The following LTBP3 variants were observed in gnomAD, a reference collection of about 807,000 sequenced individuals.
LTBP3 encodes the protein latent-transforming growth factor beta-binding protein 3.
Under a neutral mutation model 159.7 loss-of-function variants are expected in LTBP3, and 97 were observed. That is an observed-to-expected ratio of 0.61 (90% CI 0.52 to 0.72). LTBP3 has a LOEUF of 0.72. LTBP3 is among the 30% of genes least tolerant of loss of function. The pLI, the probability that LTBP3 is intolerant of heterozygous loss-of-function variation, is 0.00. For synonymous variants in LTBP3, 824 were observed against 777.1 expected, an observed-to-expected ratio of 1.06 and a Z score of -1.00; for missense variants, 1,584 against 1,864.3, an observed-to-expected ratio of 0.85 and a Z score of 2.77.
chr11:65,546,424 G>A lies in LTBP3; in HGVS notation c.2353+18C>T. 1.3e-6 allele frequency: 2 copies of A among 1,533,494 alleles called. No homozygotes were observed. Among genetic ancestry groups the A allele is most frequent in the Non-Finnish European group, 1.7e-6 (2 of 1,146,046 alleles). 95.0% of individuals were successfully genotyped at this position (1,533,494 alleles called of 1,614,324 possible). ...GTAGGGGGCGGCGGAGGCCCGGGGC[G>A]GGGGTGCTGGCGCTCACCCAAGCAA... On this transcript the variant is annotated intron_variant, in intron 16 of 27. Transcript: ENST00000301873. The surrounding 1 kb of genome is among the most constrained non-coding windows in gnomAD (Gnocchi z 4.0).
intron 16 of LTBP3, 36 bp from the exon 17 acceptor site, chr11:65,543,585 G>T (rs1856247812): frequency 1.2e-6 from 2 of 1,613,630 alleles, no homozygotes; most frequent in East Asian, 2.2e-5. Flanking sequence ...GACCAGGCTG[G>T]GTGGTCTTGG....
intron 24 of LTBP3, 38 bp from the exon 25 acceptor site, chr11:65,539,919 G>A: frequency 6.7e-7 from 1 of 1,488,202 alleles, no homozygotes; most frequent in Non-Finnish European, 8.9e-7. Flanking sequence ...GGGGCCCAAG[G>A]CAGGAACCGC....
In LTBP3 at chr11:65,539,573, G is replaced by C; in HGVS notation, c.3603C>G (p.Pro1201=). The change falls in exon 26 of 28, where the codon CCC becomes CCG. Residue 1201 remains proline, a synonymous_variant. Coordinates refer to ENST00000301873, the MANE Select transcript of LTBP3 (RefSeq NM_001130144.3). ...CTCTTGGGGGCTTCCCCAACAGCAG[G>C]GGGCTTGTGTCCCAGAAGGAATTGC... ...SESNSFWDTS[P]LLLGKPPRDE... 1 of 1,612,834 alleles carries C rather than the reference G, an allele frequency of 6.2e-7. No homozygotes were observed. Among genetic ancestry groups the C allele is most frequent in the Non-Finnish European group, 8.5e-7 (1 of 1,179,372 alleles).
rs758223377 is a variant in LTBP3, at chr11:65,552,914, G to T, written c.1132C>A (p.Arg378Ser). Residue 378 changes from arginine to serine, a missense_variant, in exon 6 of 28, where the codon CGC (arginine) becomes AGC (serine). Physicochemically the swap from Arg to Ser is moderately radical, Grantham distance 110 (BLOSUM62 -1). This residue lies in a region of LTBP3 where 156 missense variants were observed against 259.7 expected (regional missense o/e 0.60). Transcript: ENST00000301873. This position sits in a 1 kb window ranked among gnomAD's most constrained non-coding sequence, Gnocchi z 6.0. The stretch of plus-strand genomic sequence containing the variant: ...CTATGGCCAGGTGGGCAGACACAGC[G>T]ATAGGAGCCAGGGTTGTTGAGGCAG... ...GDCLNNPGSY[R>S]CVCPPGHSLG... is the part of the protein sequence containing the mutation. 3 of 1,614,232 alleles carry T rather than the reference G, an allele frequency of 1.9e-6. No homozygotes were observed. Among genetic ancestry groups the T allele is most frequent in the East Asian group, 2.2e-5 (1 of 44,884 alleles).
intron 21 of LTBP3, 127 bp from the exon 22 acceptor site, chr11:65,540,741 G>T: frequency 6.7e-7 from 1 of 1,503,196 alleles, no homozygotes; most frequent in South Asian, 1.2e-5. Flanking sequence ...CTACAGGGCG[G>T]GGCCTGCGAG....
At chr11:65,551,895 G>C in intron 8 of LTBP3, 77 bp downstream of exon 8, 1 of 1,495,960 alleles carries the variant, frequency 6.7e-7, no homozygotes, top group Non-Finnish European at 9.3e-7. Flanking sequence ...TGTGAGGTCA[G>C]ATCTGTGGAT....
rs1434313133 is a variant in LTBP3 at position 65,539,613 on chromosome 11, G to A, written c.3563C>T (p.Thr1188Ile). 1 of 1,611,380 alleles carries A rather than the reference G, an allele frequency of 6.2e-7. No homozygotes were observed. The highest frequency in any genetic ancestry group is 1.3e-5 in the African/African-American group (1 of 74,860). Residue 1188 changes from threonine (T) to isoleucine (I), a missense_variant, in exon 26 of 28, where the codon ACA becomes ATA. By Grantham distance (89) the Thr-to-Ile change is moderately conservative (BLOSUM62 -1). Around this residue, in one of 6 missense-constraint regions of LTBP3, gnomAD observed 514 missense variants for 530.3 expected, o/e 0.97. Transcript: ENST00000301873. The part of the protein sequence containing the change: ...PPRGAGSHCP[T>I]SQSESNSFWD... ...GAAGGAATTGCTCTCGCTCTGCGAT[G>A]TCGGGCAATGGGACCCTGGGAGGAG...
rs1298912459 is a variant in LTBP3 at position 65,546,454 on chromosome 11, G to C, written c.2341C>G (p.Arg781Gly). ...TGCTGGCGCTCACCCAAGCAACTGC[G>C]GCCGTCGGGCGCGGGCGCGTAGCCC... is the stretch of plus-strand genomic sequence containing the variant. The part of the protein sequence containing the change: ...AQGYAPAPDG[R>G]SCLDVDECEA... The change falls in exon 16 of 28, where the codon CGC (arginine) becomes GGC (glycine). Residue 781 changes from arginine to glycine, a missense_variant. Coordinates refer to ENST00000301873, the MANE Select transcript of LTBP3 (RefSeq NM_001130144.3). This position sits in a 1 kb window ranked among gnomAD's most constrained non-coding sequence, Gnocchi z 4.0. 1 of 1,567,698 alleles carries C rather than the reference G, an allele frequency of 6.4e-7. No individual in the cohort carries two copies. Among genetic ancestry groups the C allele is most frequent in the East Asian group, 2.3e-5 (1 of 43,470 alleles).
Position 65,547,872 on chromosome 11 carries a change from G to A in LTBP3, c.1846+48C>T. 1 of 1,613,184 alleles carries A rather than the reference G, an allele frequency of 6.2e-7. No individual in the cohort carries two copies. Among genetic ancestry groups the A allele is most frequent in the Non-Finnish European group, 8.5e-7 (1 of 1,179,926 alleles). On this transcript the variant is annotated intron_variant, in intron 12 of 27. Coordinates refer to ENST00000301873, the MANE Select transcript of LTBP3 (RefSeq NM_001130144.3). This position sits in a 1 kb window ranked among gnomAD's most constrained non-coding sequence, Gnocchi z 4.6. ...AAGTCAAAGGAAGCGTCGTTATCTGGGGTCCCCCCCCACCCACCTGCATGC... is the reference window on the plus strand; with the variant it reads ...AAGTCAAAGGAAGCGTCGTTATCTGAGGTCCCCCCCCACCCACCTGCATGC...
At chr11:65,540,838 G>T in intron 21 of LTBP3, 33 bp downstream of exon 21, 1 of 1,591,792 alleles carries the variant, frequency 6.3e-7, no homozygotes, top group Non-Finnish European at 8.6e-7. Context: ...GGGGTGAGAG[G>T]GCGCGGGGCG....
chr11:65,553,096 G>A lies in LTBP3; in HGVS notation c.1063+68C>T, dbSNP rs1406715519. The A allele has an allele frequency of 1.2e-6, 2 of 1,605,836 alleles. No individual in the cohort carries two copies. Among genetic ancestry groups the A allele is most frequent in the East Asian group, 2.2e-5 (1 of 44,838 alleles). On this transcript the variant is annotated intron_variant, in intron 5 of 27. Transcript: ENST00000301873. The surrounding 1 kb of genome is among the most constrained non-coding windows in gnomAD (Gnocchi z 6.5). ...CCACCTCCTCTCTCGCCCACCTTGG[G>A]ACCCTCCCCACCCCCAGTGATGGCT...
chr11:65,553,634 C>A lies in LTBP3; in HGVS notation c.864+67G>T. The stretch of plus-strand genomic sequence containing the variant: ...CCCCCGCCCCTCAGTTTTCTGCTAT[C>A]CGAGTGAGTTGGGGCAGAGCAACCC... On this transcript the variant is annotated intron_variant, in intron 3 of 27. Transcript: ENST00000301873. The surrounding 1 kb of genome is among the most constrained non-coding windows in gnomAD (Gnocchi z 6.5). The A allele has an allele frequency of 6.6e-7, 1 of 1,525,992 alleles. No homozygotes were observed. The allele number at this position is 1,525,992 out of a possible 1,614,324, so 94.5% of individuals were successfully genotyped here. A position where few individuals can be genotyped will look rare whatever the true frequency, so the allele number is the denominator to read the frequency against.
In LTBP3 at chr11:65,540,020, GCT is replaced by G; in HGVS notation, c.3376_3377del (p.Ser1126ProfsTer85). On this transcript the variant is annotated frameshift_variant, in exon 24 of 28. Coordinates refer to ENST00000301873, the MANE Select transcript of LTBP3 (RefSeq NM_001130144.3). LOFTEE classifies it high-confidence loss of function. ...GCCAACCCTCGCCCTCACCGGCCGG[GCT>G]CTCGGGGAGCTGGCAATCGCGGCCG... ...PSGRDCQLPE[S>X]PAERAPERRD... The G allele has an allele frequency of 6.0e-6, 9 of 1,503,300 alleles. No homozygotes were observed. Among genetic ancestry groups the G allele is most frequent in the Non-Finnish European group, 7.9e-6 (9 of 1,132,092 alleles). 93.1% of individuals were successfully genotyped at this position (1,503,300 alleles called of 1,614,324 possible). A position where few individuals can be genotyped will look rare whatever the true frequency, so the allele number is the denominator to read the frequency against.
Position 65,543,539 on chromosome 11 carries a change from C to A in LTBP3, c.2364G>T (p.Glu788Asp). Reference protein sequence around the residue: ...PDGRSCLDVDECEAGDVCDNG... With the variant: ...PDGRSCLDVDDCEAGDVCDNG... ...TGTCACACACGTCCCCAGCCTCACACTCGTCCACATCTGCAGGGCATAGGG... is the reference window on the plus strand; with the variant it reads ...TGTCACACACGTCCCCAGCCTCACAATCGTCCACATCTGCAGGGCATAGGG... Residue 788 changes from glutamate to aspartate, a missense_variant, in exon 17 of 28, where the codon GAG (glutamate) becomes GAT (aspartate). Glu to Asp is a conservative substitution (Grantham distance 45). This residue lies in a region of LTBP3 where 565 missense variants were observed against 677.7 expected (regional missense o/e 0.83). Coordinates refer to ENST00000301873, the MANE Select transcript of LTBP3 (RefSeq NM_001130144.3). 6.2e-7 allele frequency: 1 copy of A among 1,614,128 alleles called. No homozygotes were observed. The highest frequency in any genetic ancestry group is 8.5e-7 in the Non-Finnish European group (1 of 1,179,984).
chr11:65,553,837 T>G lies in LTBP3; in HGVS notation c.728A>C (p.His243Pro). ...HHPPEASVQV[H>P]RIESSNAESA... is the part of the protein sequence containing the mutation. ...CTCGGCGTTCGAGCTCTCAATGCGG[T>G]GCACCTGGACTGAGGCCTCGGGCGG... is the stretch of plus-strand genomic sequence containing the variant. The change falls in exon 3 of 28, where the codon CAC becomes CCC. Residue 243 changes from histidine (H) to proline (P), a missense_variant. By Grantham distance (77) the His-to-Pro change is moderately conservative. Transcript: ENST00000301873. The surrounding 1 kb of genome is among the most constrained non-coding windows in gnomAD (Gnocchi z 6.5). The G allele has an allele frequency of 6.4e-7, 1 of 1,561,930 alleles. No individual in the cohort carries two copies. The highest frequency in any genetic ancestry group is 8.6e-7 in the Non-Finnish European group (1 of 1,161,498).
Position 65,539,865 on chromosome 11 carries a change from C to T in LTBP3, c.3402G>A (p.Arg1134=), listed in dbSNP as rs1352128872. Residue 1134 remains arginine, a synonymous_variant, in exon 25 of 28, where the codon CGG becomes CGA. Transcript: ENST00000301873. Reference sequence around the variant, plus strand: ...CGCGCTGGCTCCAGCACACGTCGCGCCGCTCCGGGGCACGCTCTGCGGAAG... The same window carrying T: ...CGCGCTGGCTCCAGCACACGTCGCGTCGCTCCGGGGCACGCTCTGCGGAAG... ...PESPAERAPE[R]RDVCWSQRGE... 1 of 1,516,824 alleles carries T rather than the reference C, an allele frequency of 6.6e-7. No individual in the cohort carries two copies. The highest frequency in any genetic ancestry group is 2.6e-5 in the East Asian group (1 of 38,684). 94.0% of individuals were successfully genotyped at this position (1,516,824 alleles called of 1,614,324 possible).
In LTBP3 at chr11:65,551,213, G is replaced by A; in HGVS notation, c.1633C>T (p.Arg545Cys). The change falls in exon 11 of 28, where the codon CGT (arginine) becomes TGT (cysteine). Residue 545 changes from arginine to cysteine, a missense_variant. By Grantham distance (180) the Arg-to-Cys change is radical. This residue lies in a region of LTBP3 where 565 missense variants were observed against 677.7 expected (regional missense o/e 0.83). Coordinates refer to ENST00000301873, the MANE Select transcript of LTBP3 (RefSeq NM_001130144.3). ...PARPYPELIS[R>C]PSPPTMRWFL... ...CAGCGCATGGTCGGGGGCGAGGGAC[G>A]GGAGATCAGCTCTGCGGGCGGCAGT... The A allele has an allele frequency of 1.3e-6, 2 of 1,547,918 alleles. No homozygotes were observed. Among genetic ancestry groups the A allele is most frequent in the Non-Finnish European group, 1.7e-6 (2 of 1,147,542 alleles).
At position 65,554,318 on chromosome 11, in the gene LTBP3, G is replaced by A; in HGVS notation, c.394C>T (p.Pro132Ser). The change falls in exon 2 of 28, where the codon CCC (proline) becomes TCC (serine). Residue 132 changes from proline to serine, a missense_variant. Physicochemically the swap from Pro to Ser is moderately conservative, Grantham distance 74. This residue lies in a region of LTBP3 where 76 missense variants were observed against 133.3 expected (regional missense o/e 0.57). Transcript: ENST00000301873. The surrounding 1 kb of genome is among the most constrained non-coding windows in gnomAD (Gnocchi z 5.3). Reference protein sequence around the residue: ...QCSSRNQCLCPPDFTGRFCQV... With the variant: ...QCSSRNQCLCSPDFTGRFCQV... ...CAGAAGCGCCCAGTGAAGTCCGGGG[G>A]ACACAGGCACTGGTTTCGCGAGGAG... 6.2e-7 allele frequency: 1 copy of A among 1,612,254 alleles called. No individual in the cohort carries two copies. Among genetic ancestry groups the A allele is most frequent in the Non-Finnish European group, 8.5e-7 (1 of 1,179,776 alleles).
At position 65,554,594 on chromosome 11, in the gene LTBP3, A is replaced by G. The variant is rs145536187; in HGVS notation, c.332-214T>C. Among the ~76,000 whole-genome samples, 118 of 152,046 alleles carry G rather than the reference A, an allele frequency of 7.8e-4. No individual in the cohort carries two copies. Among genetic ancestry groups the G allele is most frequent in the African/African-American group, 2.5e-3 (104 of 41,464 alleles). ...CCAGGATTTAAATCCTCGCTAAGCC[A>G]TGTGCCAGCTGTGCGACCCTGAGCA... On this transcript the variant is annotated intron_variant, in intron 1 of 27. Transcript: ENST00000301873. The surrounding 1 kb of genome is among the most constrained non-coding windows in gnomAD (Gnocchi z 5.3).
Sources: allele counts gnomAD v4.1 joint callset (sites outside exome capture counted in the v4.1 genomes callset), GRCh38; gene constraint gnomAD v4.1.1; regional missense constraint gnomAD v4.1.1; non-coding constraint Gnocchi (gnomAD v3.1); transcripts MANE v1.5; gene names NCBI Gene and HGNC (gene_info 2026-07-23, HGNC 2026-07-21).